Variants in ZNF683 observed in about 807,000 individuals in gnomAD.
ZNF683 encodes the protein tissue-resident T-cell transcription regulator protein ZNF683.
In ZNF683, 20 loss-of-function variants were observed where a neutral mutation model predicts 31.4. The observed-to-expected ratio is 0.64, with a 90% CI of 0.45 to 0.93. The LOEUF (loss-of-function observed/expected upper bound fraction) is 0.93, where lower values mean the gene tolerates loss of function less well. ZNF683 is among the 40% of genes least tolerant of loss of function. ZNF683 has a pLI of 0.00. For missense variants in ZNF683, 621 were observed against 637.2 expected (o/e 0.97, Z 0.27); for synonymous variants, 264 against 267.6 (o/e 0.99, Z 0.13).
Position 26,361,903 on chromosome 1 carries a change from C to T in ZNF683, c.1263G>A (p.Leu421=). Residue 421 remains leucine, a synonymous_variant, in exon 6 of 6, where the codon CTG becomes CTA. Coordinates refer to ENST00000349618, the MANE Select transcript of ZNF683 (RefSeq NM_001114759.3). ...GGGCATGCAGCCGATGGTGCAGCTT[C>T]AGGTGGATGTGCTGGGTGAAGCGAC... is the stretch of plus-strand genomic sequence containing the variant. The part of the protein sequence containing the change: ...CRSRFTQHIH[L]KLHHRLHAPQ... 6.2e-7 allele frequency: 1 copy of T among 1,613,996 alleles called. No individual in the cohort carries two copies. The highest frequency in any genetic ancestry group is 2.2e-5 in the East Asian group (1 of 44,880).
intron 3 of ZNF683, among the ~76,000 whole-genome samples, chr1:26,366,678 A>G (rs2074530986): frequency 6.6e-6 from 1 of 151,770 alleles, no homozygotes; most frequent in Non-Finnish European, 1.5e-5. Context: ...TTTTTTTGAG[A>G]TGGAGTCTCG....
intron 1 of ZNF683, among the ~76,000 whole-genome samples, chr1:26,369,443 G>A (rs867102801): frequency 8.5e-5 from 13 of 152,124 alleles, no homozygotes; most frequent in East Asian, 1.9e-4. Flanking sequence ...TGAAGCGGGC[G>A]GATCACCTGA....
intron 3 of ZNF683, among the ~76,000 whole-genome samples, chr1:26,365,946 C>T (rs377559996): frequency 0.01 from 1,578 of 151,930 alleles, 15 homozygotes; most frequent in Non-Finnish European, 0.016. Context: ...TTTGGGAGGC[C>T]GAGGCGGGAA....
chr1:26,368,405 C>A (rs1311174568), intron 2 of ZNF683, 53 bp downstream of exon 2: 2 of 1,483,718 alleles, frequency 1.3e-6, no homozygotes, highest in African/African-American at 2.9e-5. Context: ...CCTAATGTCA[C>A]CTCCTACTAT....
At chr1:26,363,918 A>T (rs937083543) in intron 4 of ZNF683, among the ~76,000 whole-genome samples, 1 of 152,126 alleles carries the variant, frequency 6.6e-6, no homozygotes, top group Non-Finnish European at 1.5e-5. Flanking sequence ...CCATAACCAC[A>T]ATGTGCCTTC....
At chr1:26,362,063 C>T in intron 5 of ZNF683, 41 bp from the exon 6 acceptor site, 1 of 1,614,004 alleles carries the variant, frequency 6.2e-7, no homozygotes, top group Non-Finnish European at 8.5e-7. Context: ...GTCCTCTGGG[C>T]TGGCTCAGGC....
chr1:26,361,827 A>T lies in ZNF683; in HGVS notation c.1339T>A (p.Cys447Ser). Residue 447 changes from cysteine (C) to serine (S), a missense_variant, in exon 6 of 6, where the codon TGC becomes AGC. Coordinates refer to ENST00000349618, the MANE Select transcript of ZNF683 (RefSeq NM_001114759.3). ...GCCCCCTGGTGCCATTGGGCAAGGC[A>T]GGCCAGAGAGGCCAGGGGCAGCTGG... is the stretch of plus-strand genomic sequence containing the variant. ...HTQLPLASLA[C>S]LAQWHQGALD... The T allele has an allele frequency of 1.2e-6, 2 of 1,613,940 alleles. No individual in the cohort carries two copies. Among genetic ancestry groups the T allele is most frequent in the East Asian group, 4.5e-5 (2 of 44,892 alleles).
chr1:26,374,437 G>T, upstream of ZNF683: 1 of 1,183,292 alleles, frequency 8.5e-7, no homozygotes. Context: ...GGCTTGGCTA[G>T]GAAATGCCCC....
In ZNF683 at chr1:26,367,799, T is replaced by A; in HGVS notation, c.115-2A>T. ...AAGTGGTCTGCAGGCTGAGAAGACC[T>A]GGAGGGCAGGGGCAAGGGGCTTGGG... On this transcript the variant is annotated splice_acceptor_variant, in intron 2 of 5. Coordinates refer to ENST00000349618, the MANE Select transcript of ZNF683 (RefSeq NM_001114759.3). LOFTEE classifies it high-confidence loss of function. 1 of 1,575,500 alleles carries A rather than the reference T, an allele frequency of 6.3e-7. No individual in the cohort carries two copies. Among genetic ancestry groups the A allele is most frequent in the Non-Finnish European group, 8.6e-7 (1 of 1,157,470 alleles).
At position 26,367,729 on chromosome 1, in the gene ZNF683, C is replaced by T. The variant is rs1313676902; in HGVS notation, c.183G>A (p.Leu61=). The change falls in exon 3 of 6, where the codon CTG becomes CTA. Residue 61 remains leucine, a synonymous_variant. Coordinates refer to ENST00000349618, the MANE Select transcript of ZNF683 (RefSeq NM_001114759.3). Reference sequence around the variant, plus strand: ...TGCCCGGTGCCAGGGGCAAGGGACACAGCCAGCTGGCACAGGATGGGCCAT... The same window carrying T: ...TGCCCGGTGCCAGGGGCAAGGGACATAGCCAGCTGGCACAGGATGGGCCAT... ...DAHGPSCASW[L]CPLPLAPGRS... 6.2e-7 allele frequency: 1 copy of T among 1,610,236 alleles called. No individual in the cohort carries two copies. The highest frequency in any genetic ancestry group is 1.1e-5 in the South Asian group (1 of 90,496).
At position 26,369,755 on chromosome 1, in the gene ZNF683, A is replaced by G. The variant is rs896752398; in HGVS notation, c.-14-1170T>C. On this transcript the variant is annotated intron_variant, in intron 1 of 5. Transcript: ENST00000349618. ...TGAGGCAAGAGAATCGCTTGAACCC[A>G]AGAGGCGGAGGTTGCAGTAGCCGAG... 7.4e-3 allele frequency among the ~76,000 whole-genome samples: 1,018 copies of G among 137,206 alleles called. 12 individuals are homozygous for G. The highest frequency in any genetic ancestry group is 0.029 in the African/African-American group (954 of 32,896). 90.0% of individuals were successfully genotyped at this position (137,206 alleles called of 152,430 possible). A position where few individuals can be genotyped will look rare whatever the true frequency, so the allele number is the denominator to read the frequency against.
chr1:26,374,333 C>A (rs1557747402), upstream of ZNF683: 8 of 1,303,528 alleles, frequency 6.1e-6, no homozygotes, highest in South Asian at 9.9e-5. Flanking sequence ...CTGCTCCCAG[C>A]TCTCAGAACA....
intron 3 of ZNF683, among the ~76,000 whole-genome samples, chr1:26,366,009 C>T (rs1005564685): frequency 1.3e-4 from 20 of 151,894 alleles, no homozygotes; most frequent in Admixed American, 1.1e-3. Flanking sequence ...GGAGAAACCC[C>T]GTCTCTACTA....
chr1:26,363,659 C>G (rs565292633), intron 4 of ZNF683, among the ~76,000 whole-genome samples: 2 of 147,990 alleles, frequency 1.4e-5, no homozygotes, highest in African/African-American at 5.0e-5. Context: ...TCCCAGCTAC[C>G]GGGGAGGATG....
Position 26,363,168 on chromosome 1 carries a change from G to T in ZNF683, c.1015-14C>A. On this transcript the variant is annotated splice_polypyrimidine_tract_variant and intron_variant, in intron 4 of 5. Coordinates refer to ENST00000349618, the MANE Select transcript of ZNF683 (RefSeq NM_001114759.3). The stretch of plus-strand genomic sequence containing the variant: ...ACGCAGGTGGACCTGAGTCAGATGC[G>T]GGATAAATGCTGCCAACTGCCCAGC... 1.3e-6 allele frequency: 2 copies of T among 1,595,800 alleles called. No individual in the cohort carries two copies. Among genetic ancestry groups the T allele is most frequent in the Non-Finnish European group, 1.7e-6 (2 of 1,167,092 alleles).
At chr1:26,368,288 A>T (rs2074578984) in intron 2 of ZNF683, among the ~76,000 whole-genome samples, 170 bp downstream of exon 2, 1 of 152,162 alleles carries the variant, frequency 6.6e-6, no homozygotes, top group Non-Finnish European at 1.5e-5. Context: ...AGGCATGGGG[A>T]GAGGGTGTCT....
At chr1:26,373,593 C>T (rs1304758190), upstream of ZNF683, among the ~76,000 whole-genome samples, 1 of 152,164 alleles carries the variant, frequency 6.6e-6, no homozygotes, top group Non-Finnish European at 1.5e-5. Context: ...CTTCCAGCCT[C>T]CCTTGATCCA....
chr1:26,374,454 T>A, upstream of ZNF683: 1 of 1,153,420 alleles, frequency 8.7e-7, no homozygotes, highest in Non-Finnish European at 1.1e-6. Context: ...CCCCAGGAGG[T>A]GGGCTGAGGA....
At chr1:26,366,474 G>A (rs1246746325) in intron 3 of ZNF683, among the ~76,000 whole-genome samples, 1 of 152,008 alleles carries the variant, frequency 6.6e-6, no homozygotes, top group Non-Finnish European at 1.5e-5. Flanking sequence ...CACAGCAAGA[G>A]AGTCCTTGCC....
Sources: gnomAD v4.1 joint callset for allele counts (sites outside exome capture counted in the v4.1 genomes callset) on GRCh38, gnomAD v4.1.1 for gene constraint, MANE v1.5 for transcripts, NCBI Gene and HGNC (gene_info 2026-07-23, HGNC 2026-07-21) for gene names.